GPM6A: variants seen among roughly 807,000 people sequenced by gnomAD.
The protein encoded by GPM6A is neuronal membrane glycoprotein M6-a.
GPM6A carries 7 observed loss-of-function variants against 32.1 expected under a neutral mutation model. That is an observed-to-expected ratio of 0.22 (90% CI 0.12 to 0.41). The LOEUF (loss-of-function observed/expected upper bound fraction) is 0.41. GPM6A is among the 10% of genes least tolerant of loss of function. The pLI is 1.00. For missense variants in GPM6A, 235 were observed against 347.2 expected (o/e 0.68, Z 2.57); for synonymous variants, 130 against 123.4 (o/e 1.05, Z -0.35).
At chr4:175,918,190 T>A (rs1170532453) in intron 1 of GPM6A, among the ~76,000 whole-genome samples, 1 of 152,086 alleles carries the variant, frequency 6.6e-6, no homozygotes, top group Non-Finnish European at 1.5e-5. Flanking sequence ...GAAGACATAT[T>A]TCAGACACTC....
chr4:175,821,019 G>A (rs540512317), intron 1 of GPM6A, among the ~76,000 whole-genome samples: 2 of 152,058 alleles, frequency 1.3e-5, no homozygotes, highest in Non-Finnish European at 2.9e-5. Flanking sequence ...TGTATGTGTG[G>A]AATCATTGGG....
In GPM6A at chr4:175,861,951, T is replaced by TA. The variant is rs1473006520; in HGVS notation, c.-22-49703dup. 4.0e-5 allele frequency among the ~76,000 whole-genome samples: 6 copies of TA among 151,870 alleles called. No homozygotes were observed. The South Asian group carries it at 1.2e-3, about 31-fold the overall frequency. ...TAAGATGAAAGTAGCATATTTTCTA[T>TA]AAAAAAGTATTAAATATTCACATGT... On this transcript the variant is annotated intron_variant, in intron 1 of 7. Coordinates refer to the GPM6A transcript ENST00000280187.
chr4:175,789,108 C>T (rs1733911312), intron 1 of GPM6A, among the ~76,000 whole-genome samples: 1 of 152,142 alleles, frequency 6.6e-6, no homozygotes, highest in South Asian at 2.1e-4. Context: ...CCAGTTCTAT[C>T]ACTAATTAGT....
intron 1 of GPM6A, among the ~76,000 whole-genome samples, chr4:175,762,897 G>A (rs572086819): frequency 2.4e-3 from 358 of 152,196 alleles, no homozygotes; most frequent in Non-Finnish European, 4.3e-3. Flanking sequence ...TCGTGGTTGC[G>A]CGGGACTGGG....
intron 1 of GPM6A, among the ~76,000 whole-genome samples, chr4:175,728,696 C>T (rs1731283709): frequency 6.6e-6 from 1 of 152,204 alleles, no homozygotes; most frequent in Non-Finnish European, 1.5e-5. Context: ...CTGTAACTTA[C>T]TCTGAAACTT....
chr4:175,821,472 G>A (rs1184092601), intron 1 of GPM6A, among the ~76,000 whole-genome samples: 1 of 151,932 alleles, frequency 6.6e-6, no homozygotes, highest in African/African-American at 2.4e-5. Flanking sequence ...TTTAGAATCA[G>A]CTTTCAAATA....
intron 1 of GPM6A, among the ~76,000 whole-genome samples, chr4:175,748,303 T>C (rs1236489353): frequency 4.6e-5 from 7 of 152,204 alleles, no homozygotes; most frequent in African/African-American, 1.7e-4. Context: ...TGCCCAGATA[T>C]ATGAGAGAAA....
At chr4:175,785,329 ACTGCAGATGTC>A (rs1244756463) in intron 1 of GPM6A, among the ~76,000 whole-genome samples, 3 of 152,200 alleles carry the variant, frequency 2.0e-5, no homozygotes, top group Admixed American at 6.5e-5. Context: ...CTCTGAGGAG[ACTGCAGATGTC>A]CCAGCATCTT....
At chr4:175,947,865 A>T (rs1336263027) in intron 1 of GPM6A, among the ~76,000 whole-genome samples, 3 of 152,182 alleles carry the variant, frequency 2.0e-5, no homozygotes, top group African/African-American at 7.2e-5. Flanking sequence ...TTTCCTCATC[A>T]TATTCTAGAT....
chr4:175,869,299 A>G (rs1736831838), intron 1 of GPM6A, among the ~76,000 whole-genome samples: 1 of 152,132 alleles, frequency 6.6e-6, no homozygotes, highest in South Asian at 2.1e-4. Context: ...TATTTTCCTA[A>G]TATTATGTTG....
chr4:175,668,492 T>C (rs539538778), intron 3 of GPM6A, among the ~76,000 whole-genome samples: 3 of 142,794 alleles, frequency 2.1e-5, no homozygotes, highest in African/African-American at 7.5e-5. Context: ...AGGAATTCTA[T>C]TCCCACAGTT....
intron 1 of GPM6A, among the ~76,000 whole-genome samples, chr4:175,896,509 T>C (rs1307841436): frequency 6.6e-6 from 1 of 152,178 alleles, no homozygotes. Context: ...AAAAGCCTTA[T>C]TACTTCAAAT....
chr4:175,920,784 G>A (rs1166231861), intron 1 of GPM6A, among the ~76,000 whole-genome samples: 2 of 151,776 alleles, frequency 1.3e-5, no homozygotes, highest in Middle Eastern at 3.4e-3. Flanking sequence ...GGGAGGCGGT[G>A]GTGGCTCACT....
At chr4:175,706,222 T>C (rs1337664892) in intron 1 of GPM6A, among the ~76,000 whole-genome samples, 3 of 151,668 alleles carry the variant, frequency 2.0e-5, no homozygotes, top group African/African-American at 7.3e-5. Context: ...ATAGAAGAAA[T>C]AGAAAAAGAA....
chr4:175,860,646 A>G (rs533937870), intron 1 of GPM6A, among the ~76,000 whole-genome samples: 13 of 152,210 alleles, frequency 8.5e-5, no homozygotes, highest in Non-Finnish European at 1.5e-4. Context: ...CTGTCAATTT[A>G]TACTGACCAT....
intron 1 of GPM6A, among the ~76,000 whole-genome samples, chr4:176,001,920 G>A (rs373520998): frequency 1.3e-5 from 2 of 152,188 alleles, no homozygotes; most frequent in African/African-American, 2.4e-5. Flanking sequence ...AGATCTCCCT[G>A]TAATCGCCTC....
chr4:175,655,292 A>G (rs1742018129), intron 3 of GPM6A, among the ~76,000 whole-genome samples: 1 of 152,116 alleles, frequency 6.6e-6, no homozygotes, highest in Non-Finnish European at 1.5e-5. Flanking sequence ...GTAGCAGTTC[A>G]CTAAAATATT....
intron 6 of GPM6A, among the ~76,000 whole-genome samples, chr4:175,636,977 T>C (rs955489402): frequency 7.1e-5 from 8 of 112,596 alleles, no homozygotes; most frequent in Admixed American, 3.8e-4. Flanking sequence ...TATTTATATA[T>C]GTAAATATAT....
intron 1 of GPM6A, among the ~76,000 whole-genome samples, chr4:175,979,456 A>G (rs893973235): frequency 2.0e-5 from 3 of 152,162 alleles, no homozygotes; most frequent in African/African-American, 4.8e-5. Flanking sequence ...AAGTGTTCCC[A>G]TTGTTCAATT....
Sources: allele counts gnomAD v4.1 joint callset (sites outside exome capture counted in the v4.1 genomes callset), GRCh38; gene constraint gnomAD v4.1.1; transcripts MANE v1.5; gene names NCBI Gene and HGNC (gene_info 2026-07-23, HGNC 2026-07-21).